Variants in ATP6V0A1 observed in about 807,000 individuals in gnomAD.
ATP6V0A1 encodes the protein ATPase H+ transporting V0 subunit a1, also known as V-type proton ATPase 116 kDa subunit a 1.
Under a neutral mutation model 105.4 loss-of-function variants are expected in ATP6V0A1, and 43 were observed. That is an observed-to-expected ratio of 0.41 (90% CI 0.32 to 0.53). ATP6V0A1 has a LOEUF of 0.53. Ranked by LOEUF, ATP6V0A1 falls within the 20% of genes least tolerant of loss-of-function variation. The pLI, the probability that ATP6V0A1 is intolerant of heterozygous loss-of-function variation, is 0.30. For missense variants in ATP6V0A1, 676 were observed against 1,051.1 expected, an observed-to-expected ratio of 0.64 and a Z score of 4.93; for synonymous variants, 362 against 372.8, an observed-to-expected ratio of 0.97 and a Z score of 0.33.
intron 19 of ATP6V0A1, 120 bp from the exon 20 acceptor site, chr17:42,513,741 C>A: frequency 1.1e-6 from 1 of 918,680 alleles, no homozygotes; most frequent in Non-Finnish European, 1.7e-6. Flanking sequence ...AGGTGCCATC[C>A]ATGGGAAGTG....
intron 3 of ATP6V0A1, 119 bp downstream of exon 3, chr17:42,466,626 A>C (rs1047862260): frequency 5.9e-6 from 5 of 849,804 alleles, no homozygotes; most frequent in Non-Finnish European, 7.3e-6. Context: ...AAAATCTTGC[A>C]GTTAAGATGC....
At chr17:42,468,540 C>G (rs920094956) in intron 4 of ATP6V0A1, among the ~76,000 whole-genome samples, 1 of 152,096 alleles carries the variant, frequency 6.6e-6, no homozygotes, top group African/African-American at 2.4e-5. Context: ...CCCCACAAAC[C>G]CACACACCCT....
intron 18 of ATP6V0A1, 112 bp from the exon 19 acceptor site, chr17:42,508,460 C>T (rs1439486587): frequency 7.2e-7 from 1 of 1,391,004 alleles, no homozygotes; most frequent in East Asian, 2.3e-5. Flanking sequence ...AACGTGCTAG[C>T]CCATTTAACA....
intron 5 of ATP6V0A1, among the ~76,000 whole-genome samples, chr17:42,474,673 T>C (rs540095857): frequency 6.6e-4 from 101 of 152,344 alleles, no homozygotes; most frequent in African/African-American, 2.3e-3. Flanking sequence ...TTTTCTTCTG[T>C]GTCTGAAATT....
intron 17 of ATP6V0A1, 114 bp downstream of exon 17, chr17:42,501,418 T>C: frequency 2.3e-6 from 2 of 871,314 alleles, no homozygotes; most frequent in South Asian, 1.9e-5. Flanking sequence ...TTTTTCTTTT[T>C]CTTTTTCTTT....
At chr17:42,498,750 C>G (rs572125307) in intron 14 of ATP6V0A1, among the ~76,000 whole-genome samples, 174 bp from the exon 15 acceptor site, 5 of 152,142 alleles carry the variant, frequency 3.3e-5, no homozygotes, top group Admixed American at 1.3e-4. Flanking sequence ...GGCGTGAACC[C>G]GGAAGGCAGA....
At chr17:42,516,521 G>A (rs1567875346) in intron 21 of ATP6V0A1, among the ~76,000 whole-genome samples, 2 of 152,164 alleles carry the variant, frequency 1.3e-5, no homozygotes, top group Non-Finnish European at 2.9e-5. Flanking sequence ...GAGAACCTCT[G>A]AGGACTCACT....
intron 7 of ATP6V0A1, chr17:42,478,853 C>T (rs892856294): frequency 5.2e-6 from 1 of 192,318 alleles, no homozygotes; most frequent in Admixed American, 6.2e-5. Flanking sequence ...TATTTTCACT[C>T]ATTTGCCTTT....
intron 10 of ATP6V0A1, among the ~76,000 whole-genome samples, chr17:42,489,269 C>T (rs557398510): frequency 5.2e-4 from 79 of 151,734 alleles, no homozygotes; most frequent in South Asian, 2.7e-3. Flanking sequence ...TTAGTGGAGA[C>T]GGGGTTTCAT....
chr17:42,520,737 C>G (rs936251605), intron 21 of ATP6V0A1: 8 of 434,622 alleles, frequency 1.8e-5, no homozygotes, highest in Non-Finnish European at 3.5e-5. Flanking sequence ...CTCAAGGTAA[C>G]TGAACTTTTT....
At chr17:42,470,051 T>C in intron 4 of ATP6V0A1, 39 bp from the exon 5 acceptor site, 17 of 1,542,026 alleles carry the variant, frequency 1.1e-5, no homozygotes, top group Non-Finnish European at 1.5e-5. Context: ...AGAGCAAACA[T>C]ATTGAGCTTA....
chr17:42,514,443 C>A lies in ATP6V0A1; in HGVS notation c.2403C>A (p.His801Gln). The A allele has an allele frequency of 6.2e-7, 1 of 1,605,566 alleles. No homozygotes were observed. The highest frequency in any genetic ancestry group is 1.1e-5 in the South Asian group (1 of 89,456). Residue 801 changes from histidine to glutamine, a missense_variant, in exon 21 of 22, where the codon CAC becomes CAA. His to Gln is a conservative substitution (Grantham distance 24, BLOSUM62 0). This residue lies in a region of ATP6V0A1 where 435 missense variants were observed against 642.2 expected (regional missense o/e 0.68). Coordinates refer to ENST00000343619, the MANE Select transcript of ATP6V0A1 (RefSeq NM_001130021.3). Reference sequence around the variant, plus strand: ...TGGAGGGCCTCTCGGCCTTTCTCCACGCACTGCGCTTACACTGGTGAGGGG... The same window carrying A: ...TGGAGGGCCTCTCGGCCTTTCTCCAAGCACTGCGCTTACACTGGTGAGGGG... ...LIMEGLSAFL[H>Q]ALRLHWVEFQ...
chr17:42,460,583 A>G (rs4796665), intron 1 of ATP6V0A1: 1 of 267,654 alleles, frequency 3.7e-6, no homozygotes, highest in African/African-American at 2.2e-5. Flanking sequence ...CATTCTTATC[A>G]GTTGAGTTGC....
chr17:42,493,805 C>G (rs1262167482), intron 11 of ATP6V0A1, among the ~76,000 whole-genome samples: 2 of 152,038 alleles, frequency 1.3e-5, no homozygotes, highest in Non-Finnish European at 2.9e-5. Context: ...CAGAGAAAGA[C>G]CCCATCTCTC....
chr17:42,478,743 GTTAATTCCTGTCATATAT>G (rs2089103271), intron 7 of ATP6V0A1, 154 bp downstream of exon 7: 16 of 726,144 alleles, frequency 2.2e-5, no homozygotes, highest in Middle Eastern at 8.7e-4. Flanking sequence ...CTTCCTCTTA[GTTAATTCCTGTCATATAT>G]ACATATGGAT....
At chr17:42,520,947 C>G in intron 21 of ATP6V0A1, 80 bp from the exon 22 acceptor site, 6 of 1,308,540 alleles carry the variant, frequency 4.6e-6, no homozygotes, top group Non-Finnish European at 6.4e-6. Context: ...CACGGGGCAT[C>G]TTTCCTGCCC....
At chr17:42,486,093 C>T (rs1013480176) in intron 9 of ATP6V0A1, among the ~76,000 whole-genome samples, 4 of 152,184 alleles carry the variant, frequency 2.6e-5, no homozygotes, top group Non-Finnish European at 4.4e-5. Context: ...TTGGAAGCAA[C>T]AGGCTTAGCC....
chr17:42,493,613 TAGTG>T (rs2090878603), intron 11 of ATP6V0A1, among the ~76,000 whole-genome samples: 1 of 151,996 alleles, frequency 6.6e-6, no homozygotes, highest in South Asian at 2.1e-4. Context: ...TTGGGCAAAA[TAGTG>T]AGATTCCATC....
intron 17 of ATP6V0A1, among the ~76,000 whole-genome samples, chr17:42,503,688 C>G (rs2091848107): frequency 6.6e-6 from 1 of 152,174 alleles, no homozygotes; most frequent in Admixed American, 6.5e-5. Context: ...GCATATACTT[C>G]TTTAAATAAA....
Sources: allele counts gnomAD v4.1 joint callset (sites outside exome capture counted in the v4.1 genomes callset), GRCh38; gene constraint gnomAD v4.1.1; regional missense constraint gnomAD v4.1.1; transcripts MANE v1.5; gene names NCBI Gene and HGNC (gene_info 2026-07-23, HGNC 2026-07-21).